USP6: variants seen among roughly 807,000 people sequenced by gnomAD.
USP6 encodes ubiquitin specific peptidase 6.
Under a neutral mutation model 175.7 loss-of-function variants are expected in USP6, and 128 were observed. The observed-to-expected ratio is 0.73, with a 90% CI of 0.63 to 0.84. The LOEUF (loss-of-function observed/expected upper bound fraction) is 0.84, where lower values mean the gene tolerates loss of function less well. Ranked by LOEUF, USP6 falls within the 40% of genes least tolerant of loss-of-function variation. The pLI, the probability that USP6 is intolerant of heterozygous loss-of-function variation, is 0.00. For synonymous variants in USP6, 562 were observed against 630.6 expected, an observed-to-expected ratio of 0.89 and a Z score of 1.63; for missense variants, 1,498 against 1,760.3, an observed-to-expected ratio of 0.85 and a Z score of 2.67.
At chr17:5,166,622 G>A (rs55756850) in intron 33 of USP6, among the ~76,000 whole-genome samples, 16,402 of 151,830 alleles carry the variant, frequency 0.11, 974 homozygotes, top group Middle Eastern at 0.12. Context: ...TGTGCTTTGG[G>A]ACACAAATAT....
In USP6 at chr17:5,174,970, T is replaced by C. The variant is rs1292457100; in HGVS notation, c.*1992T>C. 2.1e-5 allele frequency: 4 copies of C among 187,618 alleles called. No homozygotes were observed. Among genetic ancestry groups the C allele is most frequent in the Non-Finnish European group, 4.5e-5 (4 of 88,714 alleles). The allele number at this position is 187,618 out of a possible 1,614,324, so 11.6% of individuals were successfully genotyped here. A position where few individuals can be genotyped will look rare whatever the true frequency, so the allele number is the denominator to read the frequency against. Reference sequence around the variant, plus strand: ...ATCTGTTAACTATTATCCAAACAAATTAAATACTGTGGTTGCCTCTATGTG... The same window carrying C: ...ATCTGTTAACTATTATCCAAACAAACTAAATACTGTGGTTGCCTCTATGTG... On this transcript the variant is annotated 3_prime_UTR_variant, in exon 38 of 38. Transcript: ENST00000574788.
intron 37 of USP6, among the ~76,000 whole-genome samples, chr17:5,172,345 T>C (rs542455443): frequency 3.0e-4 from 46 of 151,048 alleles, no homozygotes; most frequent in East Asian, 2.0e-4. Context: ...TCCTGGCTAA[T>C]ATGGTGAAAC....
At chr17:5,147,321 C>T in intron 29 of USP6, 127 bp downstream of exon 29, 1 of 1,099,964 alleles carries the variant, frequency 9.1e-7, no homozygotes, top group African/African-American at 1.7e-5. Context: ...TCAAGGGAAA[C>T]CTTACTGATT....
At chr17:5,150,294 A>AT (rs1415101988) in intron 30 of USP6, among the ~76,000 whole-genome samples, 20 of 127,508 alleles carry the variant, frequency 1.6e-4, no homozygotes, top group East Asian at 6.6e-4. Context: ...CTCCGTCTAA[A>AT]AAAATAAATA....
At chr17:5,153,835 T>C (rs183202553) in intron 30 of USP6, among the ~76,000 whole-genome samples, 309 of 152,236 alleles carry the variant, frequency 2.0e-3, no homozygotes, top group Non-Finnish European at 2.8e-3. Context: ...TATGTATTTT[T>C]AGTAGAGACA....
rs200027130 is a variant in USP6 at position 5,133,539 on chromosome 17, G to A, written c.373G>A (p.Gly125Arg). The change falls in exon 14 of 38, where the codon GGA becomes AGA. Residue 125 changes from glycine to arginine, a missense_variant. Coordinates refer to ENST00000574788, the MANE Select transcript of USP6 (RefSeq NM_001304284.2). ...NIQEIKLKNP[G>R]RYQIMKERGK... Reference sequence around the variant, plus strand: ...TCAGGAAATCAAGTTGAAAAACCCCGGAAGATACCAGGTATGCTCAGCCAG... The same window carrying A: ...TCAGGAAATCAAGTTGAAAAACCCCAGAAGATACCAGGTATGCTCAGCCAG... 2.0e-5 allele frequency: 32 copies of A among 1,609,332 alleles called. No homozygotes were observed. Among genetic ancestry groups the A allele is most frequent in the South Asian group, 5.5e-5 (5 of 90,934 alleles).
chr17:5,135,714 C>T (rs901770851), intron 16 of USP6, 94 bp from the exon 17 acceptor site: 1 of 1,594,954 alleles, frequency 6.3e-7, no homozygotes, highest in Non-Finnish European at 8.5e-7. Context: ...GAAGCCTCCC[C>T]AGTCACCTCT....
At chr17:5,117,669 A>G (rs1344234467) in intron 1 of USP6, among the ~76,000 whole-genome samples, 1 of 152,180 alleles carries the variant, frequency 6.6e-6, no homozygotes, top group African/African-American at 2.4e-5. Context: ...TGGCACTATC[A>G]GATTTGTTCT....
At chr17:5,153,801 G>A (rs2073825229) in intron 30 of USP6, among the ~76,000 whole-genome samples, 2 of 152,016 alleles carry the variant, frequency 1.3e-5, no homozygotes, top group African/African-American at 4.8e-5. Flanking sequence ...GACTACAGGC[G>A]CGTGCCACCA....
At chr17:5,166,483 G>A (rs1011801961) in intron 33 of USP6, among the ~76,000 whole-genome samples, 2 of 152,170 alleles carry the variant, frequency 1.3e-5, no homozygotes, top group Non-Finnish European at 2.9e-5. Flanking sequence ...TTCCCATCAT[G>A]AGTTTCAGGA....
rs1335559979 is a variant in USP6 at position 5,168,118 on chromosome 17, T to A, written c.3223T>A (p.Phe1075Ile). The A allele has an allele frequency of 1.4e-5, 23 of 1,604,870 alleles. No individual in the cohort carries two copies. Among genetic ancestry groups the A allele is most frequent in the Non-Finnish European group, 1.8e-5 (21 of 1,174,244 alleles). The change falls in exon 34 of 38, where the codon TTC becomes ATC. Residue 1075 changes from phenylalanine (F) to isoleucine (I), a missense_variant. Physicochemically the swap from Phe to Ile is conservative, Grantham distance 21. Around this residue, in one of 2 missense-constraint regions of USP6, gnomAD observed 1,217 missense variants for 1,500.8 expected, o/e 0.81. Transcript: ENST00000574788. ...GCTGGATCTCTGGAGGCTTCCACCC[T>A]TCCTGGTATGTTACGGTCCTGCCTC... Reference protein sequence around the residue: ...KKLDLWRLPPFLIIHLKRFQF... With the variant: ...KKLDLWRLPPILIIHLKRFQF...
chr17:5,141,607 T>G, intron 23 of USP6, 108 bp downstream of exon 23: 1 of 953,304 alleles, frequency 1.0e-6, no homozygotes, highest in South Asian at 1.9e-5. Context: ...CAAAAGTAAT[T>G]AGGGCCCTTC....
chr17:5,136,578 A>T (rs1280690820), intron 17 of USP6, 62 bp from the exon 18 acceptor site: 1 of 1,588,670 alleles, frequency 6.3e-7, no homozygotes, highest in Admixed American at 1.7e-5. Context: ...CAGCTCTTTC[A>T]GCTGATGGCT....
At position 5,144,168 on chromosome 17, in the gene USP6, A is replaced by G. The variant is rs113655619; in HGVS notation, c.1819-522A>G. ...TCTAAATAATTCTAATGCGGTTAAT[A>G]AAAGTTAGGATGCAACAAGACCAGA... On this transcript the variant is annotated intron_variant, in intron 25 of 37. Coordinates refer to ENST00000574788, the MANE Select transcript of USP6 (RefSeq NM_001304284.2). 3.3e-3 allele frequency among the ~76,000 whole-genome samples: 508 copies of G among 152,250 alleles called. 5 individuals carry two copies. Among genetic ancestry groups the G allele is most frequent in the African/African-American group, 0.012 (486 of 41,554 alleles).
rs546022036 is a variant in USP6 at position 5,133,951 on chromosome 17, C to T, written c.449C>T (p.Thr150Met). 16 of 1,614,066 alleles carry T rather than the reference C, an allele frequency of 9.9e-6. No individual in the cohort carries two copies. The highest frequency in any genetic ancestry group is 2.2e-5 in the East Asian group (1 of 44,862). ...HIHHIDLDVR[T>M]TLRNHVFFRD... ...CACCACATCGACCTGGACGTGAGGACGACTCTCCGGAACCATGTCTTCTTT... is the reference window on the plus strand; with the variant it reads ...CACCACATCGACCTGGACGTGAGGATGACTCTCCGGAACCATGTCTTCTTT... The change falls in exon 15 of 38, where the codon ACG becomes ATG. Residue 150 changes from threonine to methionine, a missense_variant. Around this residue, in one of 2 missense-constraint regions of USP6, gnomAD observed 281 missense variants for 259.6 expected, o/e 1.08. Transcript: ENST00000574788.
At chr17:5,135,740 A>G in intron 16 of USP6, 68 bp from the exon 17 acceptor site, 3 of 1,596,938 alleles carry the variant, frequency 1.9e-6, no homozygotes, top group South Asian at 2.2e-5. Context: ...CTCCAATGAC[A>G]TGAGTCCTCC....
At position 5,138,101 on chromosome 17, in the gene USP6, G is replaced by A. The variant is rs2073316762; in HGVS notation, c.926-20G>A. 2 of 1,613,954 alleles carry A rather than the reference G, an allele frequency of 1.2e-6. No individual in the cohort carries two copies. The highest frequency in any genetic ancestry group is 1.7e-6 in the Non-Finnish European group (2 of 1,179,932). On this transcript the variant is annotated intron_variant, in intron 20 of 37. Coordinates refer to ENST00000574788, the MANE Select transcript of USP6 (RefSeq NM_001304284.2). ...CATTCCCAGGGAACTCTCCTGGCCT[G>A]ATATCCACCCTGTCCCTAGAGCGCC...
Position 5,138,190 on chromosome 17 carries a change from C to T in USP6, c.995C>T (p.Ala332Val), listed in dbSNP as rs747802097. ...RLRNQFFDTWAMNDDTVLKHL... is the reference protein window; with the variant it reads ...RLRNQFFDTWVMNDDTVLKHL... ...CGGAACCAATTCTTCGATACCTGGG[C>T]CATGAACGATGACACCGTGCTCAAG... The change falls in exon 21 of 38, where the codon GCC becomes GTC. Residue 332 changes from alanine (A) to valine (V), a missense_variant. Physicochemically the swap from Ala to Val is moderately conservative, Grantham distance 64. Coordinates refer to ENST00000574788, the MANE Select transcript of USP6 (RefSeq NM_001304284.2). 1.9e-6 allele frequency: 3 copies of T among 1,614,104 alleles called. No homozygotes were observed. Among genetic ancestry groups the T allele is most frequent in the South Asian group, 2.2e-5 (2 of 91,080 alleles).
chr17:5,147,925 G>C lies in USP6; in HGVS notation c.2432-631G>C, dbSNP rs2073657215. 2.0e-5 allele frequency among the ~76,000 whole-genome samples: 3 copies of C among 152,168 alleles called. No homozygotes were observed. The South Asian group carries it at 6.2e-4, about 32-fold the overall frequency. The stretch of plus-strand genomic sequence containing the variant: ...AGAAAGGGTCTCACTCTGTCACCCA[G>C]CCTGGAGTGCAGTGGCATCATCTTG... On this transcript the variant is annotated intron_variant, in intron 29 of 37. Coordinates refer to ENST00000574788, the MANE Select transcript of USP6 (RefSeq NM_001304284.2).
Sources: gnomAD v4.1 joint callset for allele counts (sites outside exome capture counted in the v4.1 genomes callset) on GRCh38, gnomAD v4.1.1 for gene constraint, gnomAD v4.1.1 regional missense constraint, MANE v1.5 for transcripts, NCBI Gene and HGNC (gene_info 2026-07-23, HGNC 2026-07-21) for gene names.